PTN: variants seen among roughly 807,000 people sequenced by gnomAD.
PTN encodes the protein pleiotrophin.
Under a neutral mutation model 24.1 loss-of-function variants are expected in PTN, and 18 were observed. The observed-to-expected ratio is 0.75, with a 90% CI of 0.52 to 1.11. The LOEUF (loss-of-function observed/expected upper bound fraction) is 1.11, where lower values mean the gene tolerates loss of function less well. Among genes scored for constraint, PTN ranks in the 50% least tolerant of loss-of-function variants. The pLI, the probability that PTN is intolerant of heterozygous loss-of-function variation, is 0.00. For synonymous variants in PTN, 78 were observed against 68.6 expected (o/e 1.14, Z -0.67); for missense variants, 163 against 198.8 (o/e 0.82, Z 1.08).
At chr7:137,330,976 A>G (rs889054308) in intron 1 of PTN, among the ~76,000 whole-genome samples, 5 of 152,188 alleles carry the variant, frequency 3.3e-5, no homozygotes, top group Admixed American at 2.0e-4. Context: ...ATGCTATCTA[A>G]TAGAATTTTA....
At chr7:137,256,396 T>G (rs1808925759) in intron 1 of PTN, among the ~76,000 whole-genome samples, 1 of 152,138 alleles carries the variant, frequency 6.6e-6, no homozygotes, top group Non-Finnish European at 1.5e-5. Flanking sequence ...AACTCCCAGT[T>G]ATGAGTGAGA....
chr7:137,327,601 G>A (rs554942090), intron 1 of PTN, among the ~76,000 whole-genome samples: 32 of 152,036 alleles, frequency 2.1e-4, no homozygotes, highest in Non-Finnish European at 4.3e-4. Context: ...TTCAAGACCC[G>A]CCTGGGCAAT....
At chr7:137,241,252 G>A (rs1021428782) in intron 4 of PTN, among the ~76,000 whole-genome samples, 1 of 152,082 alleles carries the variant, frequency 6.6e-6, no homozygotes, top group African/African-American at 2.4e-5. Context: ...GATTTGTGTC[G>A]GGAAACAGAG....
intron 1 of PTN, among the ~76,000 whole-genome samples, chr7:137,296,565 T>G (rs1563215712): frequency 6.6e-6 from 1 of 152,026 alleles, no homozygotes; most frequent in Non-Finnish European, 1.5e-5. Flanking sequence ...CCTCCTAGGC[T>G]CTATTAAAAA....
intron 1 of PTN, among the ~76,000 whole-genome samples, chr7:137,314,450 CA>C (rs1585041067): frequency 6.6e-6 from 1 of 152,100 alleles, no homozygotes; most frequent in Non-Finnish European, 1.5e-5. Flanking sequence ...ATGGCAGAAG[CA>C]AGTGAAAAGT....
At chr7:137,289,253 A>T (rs779476592) in intron 1 of PTN, among the ~76,000 whole-genome samples, 1 of 152,162 alleles carries the variant, frequency 6.6e-6, no homozygotes, top group Non-Finnish European at 1.5e-5. Flanking sequence ...TTGAAATGTG[A>T]TCTCTCAGCA....
intron 1 of PTN, among the ~76,000 whole-genome samples, chr7:137,317,598 C>T (rs1353229675): frequency 1.3e-5 from 2 of 152,158 alleles, no homozygotes; most frequent in Non-Finnish European, 2.9e-5. Flanking sequence ...TGTTCTCATC[C>T]TACAGCATTT....
chr7:137,245,446 T>C (rs1037967205), intron 4 of PTN, among the ~76,000 whole-genome samples: 6 of 152,336 alleles, frequency 3.9e-5, no homozygotes, highest in African/African-American at 1.4e-4. Context: ...GTGATGCGGA[T>C]GTAAATAAAC....
chr7:137,261,388 T>C lies in PTN; in HGVS notation c.-1-6414A>G, dbSNP rs1809035034. 2.6e-5 allele frequency among the ~76,000 whole-genome samples: 4 copies of C among 152,182 alleles called. No homozygotes were observed. In the South Asian group the frequency reaches 8.3e-4, roughly 31 times the overall value. On this transcript the variant is annotated intron_variant, in intron 1 of 4. Transcript: ENST00000348225. ...TTATCTTACATTACATAAACATTAGTCTCATGGTAATAATATAAATATTAA... is the reference window on the plus strand; with the variant it reads ...TTATCTTACATTACATAAACATTAGCCTCATGGTAATAATATAAATATTAA...
intron 1 of PTN, among the ~76,000 whole-genome samples, chr7:137,332,712 A>C (rs1013600398): frequency 8.5e-5 from 13 of 152,244 alleles, no homozygotes; most frequent in Admixed American, 3.3e-4. Context: ...TTTTGTAATA[A>C]ATATTTTTTG....
chr7:137,298,139 A>T (rs1809749417), intron 1 of PTN, among the ~76,000 whole-genome samples: 1 of 152,038 alleles, frequency 6.6e-6, no homozygotes, highest in Admixed American at 6.6e-5. Context: ...GCCTGTAAGG[A>T]TTCTTAAGTA....
chr7:137,327,305 A>G (rs1810279126), intron 1 of PTN, among the ~76,000 whole-genome samples: 1 of 152,160 alleles, frequency 6.6e-6, no homozygotes. Flanking sequence ...TAATTCAGGC[A>G]GCTTAGCTTT....
intron 1 of PTN, chr7:137,326,404 T>A (rs1810262704): frequency 6.6e-6 from 1 of 152,154 alleles, no homozygotes; most frequent in Non-Finnish European, 1.5e-5. Context: ...TGTACTCACC[T>A]CCCATTATAA....
intron 1 of PTN, among the ~76,000 whole-genome samples, chr7:137,279,697 C>T (rs370286398): frequency 1.2e-4 from 18 of 152,004 alleles, no homozygotes; most frequent in African/African-American, 3.1e-4. Context: ...ACAAGGGTTA[C>T]GTAAAAAATT....
chr7:137,304,947 T>C (rs1319618784), intron 1 of PTN, among the ~76,000 whole-genome samples: 1 of 152,066 alleles, frequency 6.6e-6, no homozygotes, highest in Non-Finnish European at 1.5e-5. Context: ...GAGAAAGTTA[T>C]AGCGGCCGTA....
chr7:137,273,042 G>T (rs1351864655), intron 1 of PTN, among the ~76,000 whole-genome samples: 3 of 152,166 alleles, frequency 2.0e-5, no homozygotes, highest in Non-Finnish European at 2.9e-5. Flanking sequence ...TTGTGTTTGT[G>T]TATATATAAT....
intron 4 of PTN, among the ~76,000 whole-genome samples, chr7:137,233,079 T>C (rs1563193431): frequency 6.6e-6 from 1 of 151,954 alleles, no homozygotes; most frequent in Non-Finnish European, 1.5e-5. Context: ...GAGTAGAAAT[T>C]AATATGAGCC....
At chr7:137,248,435 C>T (rs551982100) in intron 4 of PTN, among the ~76,000 whole-genome samples, 1 of 152,234 alleles carries the variant, frequency 6.6e-6, no homozygotes, top group Admixed American at 6.5e-5. Flanking sequence ...CCTTTAATCC[C>T]AGCACTTTGG....
intron 1 of PTN, among the ~76,000 whole-genome samples, chr7:137,322,376 A>G (rs1045726141): frequency 1.3e-5 from 2 of 152,184 alleles, no homozygotes; most frequent in African/African-American, 4.8e-5. Context: ...TAGGAGTGAC[A>G]TATGAGTTCT....
Sources: allele counts gnomAD v4.1 joint callset (sites outside exome capture counted in the v4.1 genomes callset), GRCh38; gene constraint gnomAD v4.1.1; transcripts MANE v1.5; gene names NCBI Gene and HGNC (gene_info 2026-07-23, HGNC 2026-07-21).